DMD: variants seen among roughly 807,000 people sequenced by gnomAD.
The protein encoded by DMD is dystrophin, also known as mutant dystrophin.
Under a neutral mutation model 330.1 loss-of-function variants are expected in DMD, and 63 were observed. The ratio of observed to expected loss-of-function variants is 0.19; its 90% CI spans 0.16 to 0.24. The LOEUF (loss-of-function observed/expected upper bound fraction) is 0.24, where lower values mean the gene tolerates loss of function less well. Ranked by LOEUF, DMD falls within the 10% of genes least tolerant of loss-of-function variation. DMD has a pLI of 1.00. For synonymous variants in DMD, 1,223 were observed against 959.8 expected, an observed-to-expected ratio of 1.27 and a Z score of -5.07; for missense variants, 3,344 against 2,684.1, an observed-to-expected ratio of 1.25 and a Z score of -5.43.
At chrX:33,000,874 T>G (rs760788029) in intron 2 of DMD, among the ~76,000 whole-genome samples, 1 of 112,128 alleles carries the variant, frequency 8.9e-6, no homozygotes, top group South Asian at 3.7e-4. Flanking sequence ...TTCTATTGGA[T>G]GTGCTGCCAA....
intron 47 of DMD, among the ~76,000 whole-genome samples, chrX:31,916,719 T>C (rs1303761021): frequency 1.8e-5 from 2 of 111,591 alleles, no homozygotes; most frequent in East Asian, 5.6e-4. Flanking sequence ...GTTAAATCTA[T>C]ACAGAAGATA....
chrX:32,010,572 C>T (rs1392792862), intron 44 of DMD, among the ~76,000 whole-genome samples: 1 of 111,833 alleles, frequency 8.9e-6, no homozygotes, highest in Non-Finnish European at 1.9e-5. Context: ...TACTAGCAGT[C>T]ACCAAAATAA....
At position 31,482,747 on chromosome X, in the gene DMD, G is replaced by T. The variant is rs73450098; in HGVS notation, c.8548-3644C>A. Reference sequence around the variant, plus strand: ...AGAAGGAAAAGAGGAAGACACGACAGGAGGACAGAGAGGATAACAAGACAA... The same window carrying T: ...AGAAGGAAAAGAGGAAGACACGACATGAGGACAGAGAGGATAACAAGACAA... On this transcript the variant is annotated intron_variant, in intron 57 of 78. Coordinates refer to ENST00000357033, the MANE Select transcript of DMD (RefSeq NM_004006.3). Among the ~76,000 whole-genome samples the T allele has an allele frequency of 4.1e-3, 455 of 111,823 alleles. 1 individual carries two copies. Among genetic ancestry groups the T allele is most frequent in the African/African-American group, 0.014 (435 of 30,780 alleles).
rs139947857 is a variant in DMD, at chrX:33,328,295, C to G, written c.7+10964G>C. On this transcript the variant is annotated intron_variant, in intron 1 of 17. Coordinates refer to the DMD transcript ENST00000288447. Reference sequence around the variant, plus strand: ...CTTGACTCATTGCAACCTCAGCCTCCTGGGTTCAAGCGATTCTTCTGCCTC... The same window carrying G: ...CTTGACTCATTGCAACCTCAGCCTCGTGGGTTCAAGCGATTCTTCTGCCTC... 4.1e-3 allele frequency among the ~76,000 whole-genome samples: 454 copies of G among 111,102 alleles called. 2 individuals carry two copies. Among genetic ancestry groups the G allele is most frequent in the African/African-American group, 0.014 (437 of 30,592 alleles).
At chrX:31,495,215 T>A (rs1603261560) in intron 57 of DMD, among the ~76,000 whole-genome samples, 1 of 109,192 alleles carries the variant, frequency 9.2e-6, no homozygotes, top group African/African-American at 3.3e-5. Flanking sequence ...TAATTTCCTA[T>A]ATCCTCTTCT....
chrX:33,074,685 T>C (rs889947220), intron 1 of DMD, among the ~76,000 whole-genome samples: 13 of 111,224 alleles, frequency 1.2e-4, no homozygotes, highest in Non-Finnish European at 1.9e-4. Context: ...TACACAGCCC[T>C]CCTGCCATGT....
intron 1 of DMD, among the ~76,000 whole-genome samples, chrX:33,308,191 A>G (rs959340093): frequency 1.1e-4 from 12 of 111,787 alleles, no homozygotes; most frequent in African/African-American, 3.2e-4. Context: ...CATTGTTCTA[A>G]AGGCTAAGAG....
At chrX:32,992,389 A>G (rs767043077) in intron 2 of DMD, among the ~76,000 whole-genome samples, 1 of 111,782 alleles carries the variant, frequency 8.9e-6, no homozygotes, top group South Asian at 3.7e-4. Context: ...TGCTTGCACT[A>G]AAGTCTACAT....
chrX:31,758,078 A>G (rs1404317363), intron 51 of DMD, among the ~76,000 whole-genome samples: 1 of 110,363 alleles, frequency 9.1e-6, no homozygotes, highest in Non-Finnish European at 1.9e-5. Context: ...GCTCACCTCA[A>G]TCTCAGGGTA....
intron 44 of DMD, among the ~76,000 whole-genome samples, chrX:32,124,271 C>G (rs930840263): frequency 6.2e-5 from 7 of 112,404 alleles, no homozygotes; most frequent in African/African-American, 1.9e-4. Context: ...GAAATCAAAG[C>G]TTTAAAACAT....
At chrX:32,287,750 T>C (rs1193840095) in intron 42 of DMD, 49 bp from the exon 43 acceptor site, 3 of 887,932 alleles carry the variant, frequency 3.4e-6, no homozygotes, top group East Asian at 3.6e-5. Context: ...TAGCTGTCTA[T>C]AGAAAGAGAA....
chrX:31,317,509 A>ATTTT (rs775949235), intron 62 of DMD, among the ~76,000 whole-genome samples: 1 of 84,913 alleles, frequency 1.2e-5, no homozygotes, highest in Non-Finnish European at 2.2e-5. Context: ...AAATGAGGAA[A>ATTTT]TTTTTTTTTT....
intron 52 of DMD, among the ~76,000 whole-genome samples, chrX:31,726,354 A>G (rs1467722407): frequency 8.9e-6 from 1 of 112,083 alleles, no homozygotes; most frequent in African/African-American, 3.2e-5. Context: ...GATTTTCCCA[A>G]CTGTTCAAAG....
At position 31,840,259 on chromosome X, in the gene DMD, C is replaced by A. The variant is rs759118153; in HGVS notation, c.7099-3440G>T. 1.6e-4 allele frequency among the ~76,000 whole-genome samples: 18 copies of A among 111,315 alleles called. No individual in the cohort carries two copies. The South Asian group carries it at 2.9e-3, about 18-fold the overall frequency. On this transcript the variant is annotated intron_variant, in intron 48 of 78. Transcript: ENST00000357033. ...GATTTATATTTCTAAAATTGGAGTG[C>A]GTATTCAAAAGATACCTGCTGCATC...
At chrX:33,327,127 C>T (rs1398434996) in intron 1 of DMD, among the ~76,000 whole-genome samples, 1 of 112,038 alleles carries the variant, frequency 8.9e-6, no homozygotes, top group South Asian at 3.7e-4. Flanking sequence ...CAACTATAAA[C>T]ATTTGCTTCA....
intron 1 of DMD, chrX:33,339,256 T>C: frequency 9.7e-7 from 1 of 1,027,486 alleles, no homozygotes; most frequent in South Asian, 1.8e-5. Context: ...TTAATAATCC[T>C]ACCTTCCATG....
intron 63 of DMD, among the ~76,000 whole-genome samples, chrX:31,259,139 T>C (rs980551611): frequency 6.2e-5 from 7 of 112,109 alleles, no homozygotes; most frequent in Non-Finnish European, 1.1e-4. Flanking sequence ...GAATAGGTAT[T>C]AATTCTATAA....
At chrX:32,673,716 C>T (rs1444926196) in intron 9 of DMD, among the ~76,000 whole-genome samples, 1 of 112,125 alleles carries the variant, frequency 8.9e-6, no homozygotes, top group African/African-American at 3.2e-5. Flanking sequence ...GTAATCTATA[C>T]TTCAAAGATA....
chrX:31,812,380 T>A (rs1482298729), intron 50 of DMD, among the ~76,000 whole-genome samples: 2 of 82,592 alleles, frequency 2.4e-5, no homozygotes, highest in Non-Finnish European at 4.4e-5. Flanking sequence ...GAACACATGG[T>A]CACAGGAAGG....
Sources: gnomAD v4.1 joint callset for allele counts (sites outside exome capture counted in the v4.1 genomes callset) on GRCh38, gnomAD v4.1.1 for gene constraint, MANE v1.5 for transcripts, NCBI Gene and HGNC (gene_info 2026-07-23, HGNC 2026-07-21) for gene names.